Variants in RPS6KC1 observed in about 807,000 individuals in gnomAD.
The protein encoded by RPS6KC1 is ribosomal protein S6 kinase C1, also known as inactive ribosomal protein S6 kinase delta-1.
A neutral mutation model predicts 103.8 loss-of-function variants in RPS6KC1; 54 were observed. That is an observed-to-expected ratio of 0.52 (90% CI 0.42 to 0.65). RPS6KC1 has a LOEUF of 0.65. RPS6KC1 is among the 30% of genes least tolerant of loss of function. The pLI is 0.00. For synonymous variants in RPS6KC1, 439 were observed against 438.7 expected (o/e 1.00, Z -0.01); for missense variants, 1,151 against 1,253.8 (o/e 0.92, Z 1.24).
At chr1:213,401,342 A>C in the RPS6KC1 span, among the ~76,000 whole-genome samples, 1 of 152,202 alleles carries the variant, frequency 6.6e-6, no homozygotes, top group African/African-American at 2.4e-5. Flanking sequence ...GATCAATGAC[A>C]GCCAAGTGGC....
chr1:213,381,154 C>A, the RPS6KC1 span, among the ~76,000 whole-genome samples: 1 of 152,048 alleles, frequency 6.6e-6, no homozygotes, highest in Non-Finnish European at 1.5e-5. Context: ...TGTGGCCAAG[C>A]GACGAATAAC....
At chr1:213,355,414 C>T in the RPS6KC1 span, among the ~76,000 whole-genome samples, 1 of 152,096 alleles carries the variant, frequency 6.6e-6, no homozygotes, top group Non-Finnish European at 1.5e-5. Flanking sequence ...CTTGGATCCA[C>T]CGGCCTTAGA....
chr1:213,807,122 G>T, the RPS6KC1 span, among the ~76,000 whole-genome samples: 1 of 152,152 alleles, frequency 6.6e-6, no homozygotes, highest in Non-Finnish European at 1.5e-5. Flanking sequence ...CTCTCTTCTG[G>T]CTTGTAGAGT....
the RPS6KC1 span, among the ~76,000 whole-genome samples, chr1:213,334,986 A>G: frequency 3.9e-5 from 6 of 152,170 alleles, no homozygotes; most frequent in African/African-American, 1.2e-4. Flanking sequence ...CCTCACTTGG[A>G]GATAATGTGA....
At chr1:213,141,554 G>A (rs2087035069) in intron 6 of RPS6KC1, among the ~76,000 whole-genome samples, 1 of 151,790 alleles carries the variant, frequency 6.6e-6, no homozygotes. Flanking sequence ...CTAGAAGTCT[G>A]AATCTTATTT....
intron 8 of RPS6KC1, among the ~76,000 whole-genome samples, chr1:213,178,034 G>A (rs898066308): frequency 4.7e-5 from 7 of 150,128 alleles, no homozygotes; most frequent in African/African-American, 1.7e-4. Context: ...GAGACCCTGC[G>A]TCTACAAAAA....
At chr1:213,598,243 C>G in the RPS6KC1 span, among the ~76,000 whole-genome samples, 1 of 152,284 alleles carries the variant, frequency 6.6e-6, no homozygotes, top group South Asian at 2.1e-4. Context: ...GTCACACTCT[C>G]CAACAGCACA....
At chr1:213,292,108 G>C in the RPS6KC1 span, among the ~76,000 whole-genome samples, 5 of 152,018 alleles carry the variant, frequency 3.3e-5, no homozygotes, top group Non-Finnish European at 7.4e-5. Context: ...TGAGGGGTGG[G>C]GGTAGGGGGT....
At chr1:213,390,313 C>G in the RPS6KC1 span, among the ~76,000 whole-genome samples, 2 of 152,150 alleles carry the variant, frequency 1.3e-5, no homozygotes, top group African/African-American at 4.8e-5. Context: ...CAGATCTTGT[C>G]TGAGAGCTGC....
chr1:213,072,351 A>G (rs2078964446), intron 2 of RPS6KC1, among the ~76,000 whole-genome samples: 1 of 152,110 alleles, frequency 6.6e-6, no homozygotes, highest in Non-Finnish European at 1.5e-5. Context: ...CTGATTTCAT[A>G]GTTGTTTTTG....
At chr1:213,533,843 G>A in the RPS6KC1 span, among the ~76,000 whole-genome samples, 1 of 152,166 alleles carries the variant, frequency 6.6e-6, no homozygotes, top group East Asian at 1.9e-4. Context: ...ACACTGCAAA[G>A]GGAGAAAACA....
Position 213,093,937 on chromosome 1 carries a change from A to G in RPS6KC1, c.263-10517A>G, listed in dbSNP as rs117618395. Among the ~76,000 whole-genome samples, 3 of 152,230 alleles carry G rather than the reference A, an allele frequency of 2.0e-5. No individual in the cohort carries two copies. The East Asian group carries it at 5.8e-4, about 29-fold the overall frequency. ...CTGTGAAGTTTCTGGTTAGCCTTTC[A>G]GAAGATATCTCTTCTAGGAAGTTTG... is the stretch of plus-strand genomic sequence containing the variant. On this transcript the variant is annotated intron_variant, in intron 3 of 14. Coordinates refer to ENST00000366960, the MANE Select transcript of RPS6KC1 (RefSeq NM_012424.6).
the RPS6KC1 span, among the ~76,000 whole-genome samples, chr1:213,357,588 C>A: frequency 6.6e-6 from 1 of 152,182 alleles, no homozygotes; most frequent in Non-Finnish European, 1.5e-5. Context: ...GGGCTCTGGG[C>A]CAGGGCTAGA....
the RPS6KC1 span, among the ~76,000 whole-genome samples, chr1:213,733,012 G>A: frequency 4.2e-4 from 64 of 152,142 alleles, no homozygotes; most frequent in African/African-American, 1.4e-3. Context: ...TCTATTGTGT[G>A]TATACACCAT....
chr1:213,103,990 A>C (rs568960423), intron 3 of RPS6KC1, among the ~76,000 whole-genome samples: 1 of 152,306 alleles, frequency 6.6e-6, no homozygotes, highest in Non-Finnish European at 1.5e-5. Flanking sequence ...CTTCAAGCTG[A>C]GATTTTTGAC....
At chr1:213,753,353 A>G in the RPS6KC1 span, among the ~76,000 whole-genome samples, 1 of 152,166 alleles carries the variant, frequency 6.6e-6, no homozygotes, top group East Asian at 1.9e-4. Flanking sequence ...TTGATCTCCC[A>G]TTACTTTCTG....
the RPS6KC1 span, among the ~76,000 whole-genome samples, chr1:213,502,516 T>A: frequency 1.9e-4 from 29 of 152,162 alleles, no homozygotes; most frequent in Non-Finnish European, 3.7e-4. Flanking sequence ...TTTTTATGTA[T>A]CAAACTTAGT....
the RPS6KC1 span, among the ~76,000 whole-genome samples, chr1:213,782,741 G>T: frequency 6.6e-6 from 1 of 152,166 alleles, no homozygotes; most frequent in Non-Finnish European, 1.5e-5. Context: ...GTCATTTCAT[G>T]AAAGTCAAAT....
chr1:213,074,843 ATTTTTTT>A (rs752747801), intron 2 of RPS6KC1, among the ~76,000 whole-genome samples: 47 of 71,318 alleles, frequency 6.6e-4, no homozygotes, highest in East Asian at 1.5e-3. Flanking sequence ...ACTAGAATAA[ATTTTTTT>A]TTTTTTTTTT....
Sources: gnomAD v4.1 joint callset for allele counts (sites outside exome capture counted in the v4.1 genomes callset) on GRCh38, gnomAD v4.1.1 for gene constraint, MANE v1.5 for transcripts, NCBI Gene and HGNC (gene_info 2026-07-23, HGNC 2026-07-21) for gene names.